Variants in ULK4 observed in about 807,000 individuals in gnomAD.
The protein encoded by ULK4 is inactive serine/threonine-protein kinase ULK4.
ULK4 carries 133 observed loss-of-function variants against 160.6 expected under a neutral mutation model. The observed-to-expected ratio is 0.83, with a 90% CI of 0.72 to 0.96. The LOEUF is 0.96. ULK4 is among the 40% of genes least tolerant of loss of function. The probability of loss-of-function intolerance (pLI) is 0.00; values close to 1 mark genes in which losing one functional copy is unlikely to be tolerated. For synonymous variants in ULK4, 534 were observed against 539.8 expected (o/e 0.99, Z 0.15); for missense variants, 1,580 against 1,499.5 (o/e 1.05, Z -0.89).
At chr3:41,638,770 G>C (rs924929748) in intron 30 of ULK4, among the ~76,000 whole-genome samples, 3 of 152,224 alleles carry the variant, frequency 2.0e-5, no homozygotes, top group African/African-American at 7.2e-5. Context: ...ATTTGCTGTT[G>C]AGACATGACA....
intron 29 of ULK4, 140 bp from the exon 30 acceptor site, chr3:41,663,839 T>C (rs972732283): frequency 9.0e-6 from 6 of 666,304 alleles, no homozygotes; most frequent in African/African-American, 1.8e-5. Context: ...GTAATTTACC[T>C]CTCATGTGCC....
intron 17 of ULK4, among the ~76,000 whole-genome samples, chr3:41,857,784 A>C (rs2042395793): frequency 6.6e-6 from 1 of 152,068 alleles, no homozygotes; most frequent in African/African-American, 2.4e-5. Flanking sequence ...ATGACCCTTT[A>C]AATTTCTGCA....
At chr3:41,858,190 G>A (rs144270119) in intron 17 of ULK4, among the ~76,000 whole-genome samples, 39 of 123,194 alleles carry the variant, frequency 3.2e-4, no homozygotes, top group African/African-American at 1.0e-3. Flanking sequence ...TCACTTTGTC[G>A]CCCAGGCTGG....
At chr3:41,795,420 C>T (rs960912729) in intron 20 of ULK4, among the ~76,000 whole-genome samples, 3 of 152,146 alleles carry the variant, frequency 2.0e-5, no homozygotes. Context: ...CTGCCCTCTA[C>T]TCACACGTAG....
intron 32 of ULK4, among the ~76,000 whole-genome samples, chr3:41,516,415 C>T (rs530190794): frequency 6.6e-6 from 1 of 152,192 alleles, no homozygotes; most frequent in East Asian, 1.9e-4. Flanking sequence ...ACACAAGTCA[C>T]AGGCTAGGAT....
At chr3:41,478,879 C>A (rs905735640) in intron 32 of ULK4, among the ~76,000 whole-genome samples, 3 of 152,246 alleles carry the variant, frequency 2.0e-5, no homozygotes, top group Non-Finnish European at 4.4e-5. Context: ...AAACTAAATT[C>A]TATTCTTAGC....
intron 6 of ULK4, among the ~76,000 whole-genome samples, 199 bp from the exon 7 acceptor site, chr3:41,918,739 C>G (rs1170889222): frequency 1.3e-5 from 2 of 151,692 alleles, no homozygotes; most frequent in African/African-American, 4.8e-5. Context: ...GCAGCTGGGA[C>G]CACAGGCGCA....
chr3:41,328,367 T>C (rs1367389283), intron 35 of ULK4, among the ~76,000 whole-genome samples: 6 of 152,144 alleles, frequency 3.9e-5, no homozygotes, highest in Non-Finnish European at 7.3e-5. Context: ...GAGAATCATG[T>C]TCACTTCTGA....
At chr3:41,816,545 A>G (rs1373655434) in intron 19 of ULK4, among the ~76,000 whole-genome samples, 1 of 152,138 alleles carries the variant, frequency 6.6e-6, no homozygotes, top group Non-Finnish European at 1.5e-5. Flanking sequence ...GGCTGGGTGC[A>G]GTGGCTGGCG....
chr3:41,815,110 T>C (rs1166864995), intron 19 of ULK4, among the ~76,000 whole-genome samples: 3 of 152,188 alleles, frequency 2.0e-5, no homozygotes, highest in African/African-American at 7.2e-5. Context: ...GGTTTCACCA[T>C]TTTCATCAGA....
At chr3:41,580,141 G>A (rs986966154) in intron 31 of ULK4, among the ~76,000 whole-genome samples, 2 of 152,142 alleles carry the variant, frequency 1.3e-5, no homozygotes, top group Non-Finnish European at 2.9e-5. Context: ...CAGGCTGACT[G>A]GCTGGTACAG....
intron 4 of ULK4, 105 bp from the exon 5 acceptor site, chr3:41,932,111 T>C (rs1699624282): frequency 7.3e-6 from 7 of 964,680 alleles, no homozygotes; most frequent in Non-Finnish European, 1.0e-5. Context: ...ATTGCTATTC[T>C]TTATCAGAAC....
intron 4 of ULK4, among the ~76,000 whole-genome samples, chr3:41,933,116 C>T (rs1049553628): frequency 1.3e-5 from 2 of 152,240 alleles, no homozygotes; most frequent in African/African-American, 4.8e-5. Flanking sequence ...CTAAGGATGT[C>T]TGTTGGTCTA....
chr3:41,540,685 C>T (rs1446648580), intron 32 of ULK4, among the ~76,000 whole-genome samples: 4 of 152,348 alleles, frequency 2.6e-5, no homozygotes, highest in African/African-American at 7.2e-5. Context: ...TTCTCCACAT[C>T]CTCTCTAGCA....
intron 22 of ULK4, among the ~76,000 whole-genome samples, chr3:41,719,990 C>G (rs1052040600): frequency 1.3e-5 from 2 of 152,110 alleles, no homozygotes; most frequent in African/African-American, 2.4e-5. Context: ...CTAGATGGCC[C>G]TTCTCTTCCC....
chr3:41,429,128 A>T (rs1575547073), intron 34 of ULK4, among the ~76,000 whole-genome samples: 1 of 152,220 alleles, frequency 6.6e-6, no homozygotes, highest in African/African-American at 2.4e-5. Context: ...ACATATATGC[A>T]GCCAACAAAA....
At chr3:41,544,140 T>C (rs1575389276) in intron 32 of ULK4, among the ~76,000 whole-genome samples, 1 of 152,192 alleles carries the variant, frequency 6.6e-6, no homozygotes, top group East Asian at 1.9e-4. Context: ...TTGGATGATA[T>C]AATGTGTCAA....
At chr3:41,796,500 G>A (rs2040304348) in intron 20 of ULK4, among the ~76,000 whole-genome samples, 1 of 152,118 alleles carries the variant, frequency 6.6e-6, no homozygotes, top group Non-Finnish European at 1.5e-5. Context: ...GCTGAGTCAG[G>A]AGAATCACTT....
chr3:41,739,892 A>G (rs910782984), intron 22 of ULK4, among the ~76,000 whole-genome samples: 1 of 151,918 alleles, frequency 6.6e-6, no homozygotes, highest in Admixed American at 6.6e-5. Context: ...CTGAATATCT[A>G]TTCATATCAT....
Sources: allele counts gnomAD v4.1 joint callset (sites outside exome capture counted in the v4.1 genomes callset), GRCh38; gene constraint gnomAD v4.1.1; transcripts MANE v1.5; gene names NCBI Gene and HGNC (gene_info 2026-07-23, HGNC 2026-07-21).